TSPAN15: variants seen among roughly 807,000 people sequenced by gnomAD.
TSPAN15 encodes tetraspanin-15.
Under a neutral mutation model 34.5 loss-of-function variants are expected in TSPAN15, and 20 were observed. The observed-to-expected ratio is 0.58, with a 90% CI of 0.41 to 0.84. The LOEUF is 0.84. TSPAN15 is among the 40% of genes least tolerant of loss of function. The probability of loss-of-function intolerance (pLI) is 0.00; values close to 1 mark genes in which losing one functional copy is unlikely to be tolerated. For missense variants in TSPAN15, 313 were observed against 386.1 expected, an observed-to-expected ratio of 0.81 and a Z score of 1.59; for synonymous variants, 155 against 153.9, an observed-to-expected ratio of 1.01 and a Z score of -0.05.
At chr10:69,472,416 C>T (rs940553108) in intron 1 of TSPAN15, among the ~76,000 whole-genome samples, 4 of 152,210 alleles carry the variant, frequency 2.6e-5, no homozygotes, top group African/African-American at 9.6e-5. Context: ...CACACTTGAT[C>T]ACATCTACCC....
intron 3 of TSPAN15, among the ~76,000 whole-genome samples, chr10:69,490,566 C>CA (rs1204751736): frequency 3.3e-5 from 5 of 152,070 alleles, no homozygotes; most frequent in African/African-American, 1.2e-4. Context: ...AGTAAAAATA[C>CA]AAAAAGTAGC....
At chr10:69,542,298 G>T in the TSPAN15 span, among the ~76,000 whole-genome samples, 1 of 152,096 alleles carries the variant, frequency 6.6e-6, no homozygotes, top group Admixed American at 6.6e-5. Flanking sequence ...TCAGCATTTT[G>T]GTCAAAGCCA....
intron 1 of TSPAN15, among the ~76,000 whole-genome samples, chr10:69,453,135 A>G (rs1841010518): frequency 6.7e-6 from 1 of 150,242 alleles, no homozygotes; most frequent in African/African-American, 2.4e-5. Context: ...GGAGAGATGA[A>G]CAGTATGTTT....
At chr10:69,478,516 C>A (rs1841664462) in intron 1 of TSPAN15, among the ~76,000 whole-genome samples, 1 of 152,160 alleles carries the variant, frequency 6.6e-6, no homozygotes, top group Admixed American at 6.5e-5. Context: ...TGCGCTCTCC[C>A]TCTTCCCTGT....
chr10:69,502,413 G>A (rs1293352714), intron 5 of TSPAN15, among the ~76,000 whole-genome samples: 2 of 152,158 alleles, frequency 1.3e-5, no homozygotes, highest in East Asian at 1.9e-4. Flanking sequence ...GGGGCCTGTC[G>A]CGAAGGCCCC....
chr10:69,481,419 A>G (rs1841732885), intron 1 of TSPAN15, among the ~76,000 whole-genome samples: 2 of 152,212 alleles, frequency 1.3e-5, no homozygotes, highest in Admixed American at 1.3e-4. Flanking sequence ...GTTTCCTGGT[A>G]ATCCTCTGTT....
Position 69,476,592 on chromosome 10 carries a change from C to T in TSPAN15, c.97-7099C>T, listed in dbSNP as rs192009398. On this transcript the variant is annotated intron_variant, in intron 1 of 7. Transcript: ENST00000373290. Reference sequence around the variant, plus strand: ...AAAAAAAAAAAAAAAGTAACAAAAGCAGGCTGTGTCAGAGAATGTCAGGGA... The same window carrying T: ...AAAAAAAAAAAAAAAGTAACAAAAGTAGGCTGTGTCAGAGAATGTCAGGGA... Among the ~76,000 whole-genome samples, 462 of 150,878 alleles carry T rather than the reference C, an allele frequency of 3.1e-3. 5 individuals are homozygous for T. The highest frequency in any genetic ancestry group is 0.011 in the African/African-American group (442 of 41,012).
At position 69,495,657 on chromosome 10, in the gene TSPAN15, T is replaced by C; in HGVS notation, c.421T>C (p.Phe141Leu). 5.0e-6 allele frequency: 8 copies of C among 1,614,128 alleles called. No individual in the cohort carries two copies. Among genetic ancestry groups the C allele is most frequent in the Non-Finnish European group, 6.8e-6 (8 of 1,179,942 alleles). The stretch of plus-strand genomic sequence containing the variant: ...TGAGAACTACTATGATGATCTGGAC[T>C]TCAAAAACATCATGGACTTTGTTCA... ...GIENYYDDLD[F>L]KNIMDFVQKK... The change falls in exon 4 of 8, where the codon TTC becomes CTC. Residue 141 changes from phenylalanine (F) to leucine (L), a missense_variant. Physicochemically the swap from Phe to Leu is conservative, Grantham distance 22. Transcript: ENST00000373290.
At chr10:69,458,782 G>A (rs2133060920) in intron 1 of TSPAN15, among the ~76,000 whole-genome samples, 1 of 152,272 alleles carries the variant, frequency 6.6e-6, no homozygotes, top group East Asian at 1.9e-4. Flanking sequence ...GCAAACTAAG[G>A]CCCTGAGAAG....
At chr10:69,468,015 C>T (rs954080483) in intron 1 of TSPAN15, among the ~76,000 whole-genome samples, 3 of 152,140 alleles carry the variant, frequency 2.0e-5, no homozygotes, top group Admixed American at 1.3e-4. Flanking sequence ...CAAGACCTAC[C>T]GGGGCCAGCT....
At chr10:69,518,636 C>G in the TSPAN15 span, among the ~76,000 whole-genome samples, 1 of 152,164 alleles carries the variant, frequency 6.6e-6, no homozygotes, top group Admixed American at 6.5e-5. Context: ...ATTGGCCAGG[C>G]TGGTCTCGAA....
At chr10:69,470,330 G>A (rs1841478285) in intron 1 of TSPAN15, among the ~76,000 whole-genome samples, 1 of 152,194 alleles carries the variant, frequency 6.6e-6, no homozygotes. Flanking sequence ...CATTGCAAAG[G>A]CACCTTTCCC....
chr10:69,529,386 C>T, the TSPAN15 span, among the ~76,000 whole-genome samples: 1 of 147,070 alleles, frequency 6.8e-6, no homozygotes, highest in Non-Finnish European at 1.5e-5. Flanking sequence ...CCATCAATTG[C>T]GCAGTACATT....
chr10:69,453,558 T>A (rs1841021072), intron 1 of TSPAN15, among the ~76,000 whole-genome samples: 1 of 152,204 alleles, frequency 6.6e-6, no homozygotes, highest in African/African-American at 2.4e-5. Flanking sequence ...AACCAGTCTC[T>A]CTACCTCCTC....
intron 1 of TSPAN15, among the ~76,000 whole-genome samples, chr10:69,467,793 A>T (rs72811732): frequency 0.024 from 3,726 of 152,334 alleles, 86 homozygotes; most frequent in Non-Finnish European, 0.04. Context: ...ATGCAAAAAC[A>T]TATCTAATTG....
At chr10:69,452,941 C>T (rs1841005803) in intron 1 of TSPAN15, among the ~76,000 whole-genome samples, 2 of 152,214 alleles carry the variant, frequency 1.3e-5, no homozygotes, top group Non-Finnish European at 2.9e-5. Flanking sequence ...CCCTGTGACC[C>T]CTTTGTGGGT....
chr10:69,490,899 C>CGGAACCCGTGGATGT (rs1841954316), intron 3 of TSPAN15, among the ~76,000 whole-genome samples: 2 of 152,222 alleles, frequency 1.3e-5, no homozygotes, highest in South Asian at 2.1e-4. Flanking sequence ...TCTGCGGGTA[C>CGGAACCCGTGGATGT]GGAACCCGTG....
intron 1 of TSPAN15, among the ~76,000 whole-genome samples, chr10:69,456,671 C>T (rs1841117580): frequency 6.6e-6 from 1 of 152,150 alleles, no homozygotes; most frequent in African/African-American, 2.4e-5. Flanking sequence ...CTGACGCCTA[C>T]CCTCTCTGTT....
At chr10:69,522,013 T>A in the TSPAN15 span, among the ~76,000 whole-genome samples, 1 of 147,910 alleles carries the variant, frequency 6.8e-6, no homozygotes, top group Non-Finnish European at 1.5e-5. Flanking sequence ...GGACTTGTGA[T>A]GTTGAGCATC....
Sources: allele counts gnomAD v4.1 joint callset (sites outside exome capture counted in the v4.1 genomes callset), GRCh38; gene constraint gnomAD v4.1.1; transcripts MANE v1.5; gene names NCBI Gene and HGNC (gene_info 2026-07-23, HGNC 2026-07-21).